The following NARS2 variants were observed in gnomAD, a reference collection of about 807,000 sequenced individuals.
NARS2 encodes the protein asparaginyl-tRNA synthetase 2, mitochondrial.
Under a neutral mutation model 62.9 loss-of-function variants are expected in NARS2, and 60 were observed. That is an observed-to-expected ratio of 0.95 (90% CI 0.77 to 1.18). NARS2 has a LOEUF of 1.18. Ranked by LOEUF, NARS2 falls within the 50% of genes most tolerant of loss-of-function variation. The pLI is 0.00. For synonymous variants in NARS2, 196 were observed against 200.0 expected, an observed-to-expected ratio of 0.98 and a Z score of 0.17; for missense variants, 619 against 576.4, an observed-to-expected ratio of 1.07 and a Z score of -0.76.
intron 7 of NARS2, among the ~76,000 whole-genome samples, chr11:78,483,092 A>G (rs1216673506): frequency 2.0e-5 from 3 of 152,208 alleles, no homozygotes; most frequent in Non-Finnish European, 4.4e-5. Flanking sequence ...AACATACACA[A>G]ATCAATAAAC....
chr11:78,450,747 T>TCACTGCAA (rs1190200933), intron 11 of NARS2, among the ~76,000 whole-genome samples: 5 of 144,646 alleles, frequency 3.5e-5, no homozygotes, highest in Non-Finnish European at 1.5e-5. Context: ...TGATCTCAGC[T>TCACTGCAA]CACTGCAACC....
intron 13 of NARS2, among the ~76,000 whole-genome samples, chr11:78,437,503 G>A (rs535493225): frequency 1.8e-4 from 28 of 152,082 alleles, no homozygotes; most frequent in African/African-American, 5.3e-4. Context: ...ACCCATCCAC[G>A]CACATTCTTT....
intron 7 of NARS2, among the ~76,000 whole-genome samples, chr11:78,479,570 T>C (rs1021769342): frequency 6.6e-6 from 1 of 152,194 alleles, no homozygotes; most frequent in African/African-American, 2.4e-5. Flanking sequence ...TAATAGAAGC[T>C]TGTTCTTAGA....
At chr11:78,508,174 T>C (rs1590792599) in intron 6 of NARS2, among the ~76,000 whole-genome samples, 1 of 149,904 alleles carries the variant, frequency 6.7e-6, no homozygotes, top group East Asian at 2.0e-4. Context: ...GATAAGACAA[T>C]GGAAATTATG....
rs771491472 is a variant in NARS2 at position 78,559,613 on chromosome 11, C to T, written c.520G>A (p.Gly174Ser). 6.2e-7 allele frequency: 1 copy of T among 1,609,756 alleles called. No homozygotes were observed. Among genetic ancestry groups the T allele is most frequent in the Admixed American group, 1.7e-5 (1 of 59,922 alleles). The change falls in exon 5 of 14, where the codon GGC (glycine) becomes AGC (serine). Residue 174 changes from glycine to serine, a missense_variant. By Grantham distance (56) the Gly-to-Ser change is moderately conservative (BLOSUM62 0). Coordinates refer to ENST00000281038, the MANE Select transcript of NARS2 (RefSeq NM_024678.6). ...ATTGGAGTATGAATATGTACAAAGC[C>T]ACTGTCCTGAAAAAGAAAACCACTG... ...AAIHSFFKDS[G>S]FVHIHTPIIT...
chr11:78,569,148 TTGAC>T (rs58071706), intron 2 of NARS2, among the ~76,000 whole-genome samples: 5,885 of 152,264 alleles, frequency 0.039, 383 homozygotes, highest in African/African-American at 0.13. Context: ...TTTTACTTAG[TTGAC>T]TGGTGATCTA....
intron 6 of NARS2, among the ~76,000 whole-genome samples, chr11:78,525,448 G>C (rs1158699608): frequency 6.6e-6 from 1 of 152,104 alleles, no homozygotes; most frequent in Non-Finnish European, 1.5e-5. Context: ...AGGGGCGTAA[G>C]AATCAATCTG....
intron 5 of NARS2, among the ~76,000 whole-genome samples, chr11:78,529,929 A>G (rs1249780851): frequency 6.6e-6 from 1 of 152,244 alleles, no homozygotes; most frequent in East Asian, 1.9e-4. Flanking sequence ...TGGAGAATGT[A>G]AGACTCTTTT....
At chr11:78,542,944 C>T (rs945595726) in intron 5 of NARS2, among the ~76,000 whole-genome samples, 1 of 152,178 alleles carries the variant, frequency 6.6e-6, no homozygotes, top group Admixed American at 6.5e-5. Context: ...CTTGCAGTTG[C>T]TGCAAGGAGG....
At chr11:78,442,717 T>G (rs1857613337) in intron 12 of NARS2, among the ~76,000 whole-genome samples, 2 of 152,076 alleles carry the variant, frequency 1.3e-5, no homozygotes. Flanking sequence ...GGCATATAAA[T>G]GTATATGTAG....
At chr11:78,442,028 T>C (rs1473966331) in intron 12 of NARS2, among the ~76,000 whole-genome samples, 2 of 152,154 alleles carry the variant, frequency 1.3e-5, no homozygotes, top group Admixed American at 1.3e-4. Flanking sequence ...AGAGCAGCCA[T>C]AGACAGATCC....
At chr11:78,482,092 T>C (rs1859379258) in intron 7 of NARS2, among the ~76,000 whole-genome samples, 1 of 152,122 alleles carries the variant, frequency 6.6e-6, no homozygotes, top group African/African-American at 2.4e-5. Context: ...AATTATGTAA[T>C]GAACTATCCA....
intron 11 of NARS2, among the ~76,000 whole-genome samples, chr11:78,448,178 A>T (rs574482321): frequency 5.3e-5 from 8 of 152,272 alleles, no homozygotes; most frequent in African/African-American, 1.9e-4. Context: ...TGTTGCATAT[A>T]CTTATTATAT....
intron 6 of NARS2, among the ~76,000 whole-genome samples, chr11:78,508,816 T>C (rs575316265): frequency 3.9e-5 from 6 of 152,178 alleles, no homozygotes; most frequent in African/African-American, 1.2e-4. Context: ...TCATCTCATG[T>C]AAGGAATCTT....
At chr11:78,439,810 T>C (rs1565199347) in intron 13 of NARS2, among the ~76,000 whole-genome samples, 1 of 152,160 alleles carries the variant, frequency 6.6e-6, no homozygotes, top group Admixed American at 6.5e-5. Flanking sequence ...TATACCAAGA[T>C]CCTGAAGGAG....
chr11:78,496,091 T>C (rs971802637), intron 6 of NARS2, among the ~76,000 whole-genome samples: 2 of 152,172 alleles, frequency 1.3e-5, no homozygotes, highest in South Asian at 2.1e-4. Flanking sequence ...ATCATTTTGA[T>C]AGAGTAAGAA....
intron 9 of NARS2, among the ~76,000 whole-genome samples, chr11:78,470,156 C>T (rs538778490): frequency 3.2e-4 from 49 of 152,282 alleles, no homozygotes; most frequent in African/African-American, 1.1e-3. Flanking sequence ...TGGACTCTTT[C>T]AGGTCATAGT....
rs1860986419 is a variant in NARS2 at position 78,518,291 on chromosome 11, GGATCCTGGAACCA to G, written c.689+10538_689+10550del. ...TCTGCAAGTTTTGGTATCTGGAGAG[GGATCCTGGAACCA>G]GTCCCCCTCAGATATATGGAGACGA... On this transcript the variant is annotated intron_variant, in intron 6 of 13. Coordinates refer to ENST00000281038, the MANE Select transcript of NARS2 (RefSeq NM_024678.6). 2.0e-5 allele frequency among the ~76,000 whole-genome samples: 3 copies of G among 152,122 alleles called. No individual in the cohort carries two copies. In the South Asian group the frequency reaches 6.2e-4, roughly 32 times the overall value.
chr11:78,453,489 T>A (rs1301387303), intron 11 of NARS2, among the ~76,000 whole-genome samples: 3 of 152,020 alleles, frequency 2.0e-5, no homozygotes, highest in Admixed American at 6.6e-5. Flanking sequence ...GGAACAAGGC[T>A]TACAATACAT....
Sources: gnomAD v4.1 joint callset for allele counts (sites outside exome capture counted in the v4.1 genomes callset) on GRCh38, gnomAD v4.1.1 for gene constraint, MANE v1.5 for transcripts, NCBI Gene and HGNC (gene_info 2026-07-23, HGNC 2026-07-21) for gene names.